Variants in AARS1 observed in about 807,000 individuals in gnomAD.
The protein encoded by AARS1 is alanine--tRNA ligase, cytoplasmic.
Under a neutral mutation model 108.9 loss-of-function variants are expected in AARS1, and 72 were observed. The observed-to-expected ratio is 0.66, with a 90% CI of 0.55 to 0.80. The LOEUF (loss-of-function observed/expected upper bound fraction) is 0.80, where lower values mean the gene tolerates loss of function less well. Among genes scored for constraint, AARS1 ranks in the 30% least tolerant of loss-of-function variants. The pLI is 0.00. For missense variants in AARS1, 1,193 were observed against 1,233.2 expected (o/e 0.97, Z 0.49); for synonymous variants, 489 against 465.7 (o/e 1.05, Z -0.64).
At chr16:70,257,966 C>G in intron 15 of AARS1, 67 bp downstream of exon 15, 1 of 1,580,894 alleles carries the variant, frequency 6.3e-7, no homozygotes, top group Non-Finnish European at 8.7e-7. Context: ...TTGGTCCAGC[C>G]TAAGACCTAC....
At chr16:70,265,293 G>T in intron 10 of AARS1, 191 bp from the exon 11 acceptor site, 1 of 923,366 alleles carries the variant, frequency 1.1e-6, no homozygotes, top group Non-Finnish European at 1.7e-6. Context: ...ATGCTGAGGG[G>T]CACCCTGGCC....
Position 70,254,621 on chromosome 16 carries a change from C to G in AARS1, c.2400G>C (p.Glu800Asp). The change falls in exon 17 of 21, where the codon GAG (glutamate) becomes GAC (aspartate). Residue 800 changes from glutamate (E) to aspartate (D), a missense_variant and splice_region_variant. Coordinates refer to ENST00000261772, the MANE Select transcript of AARS1 (RefSeq NM_001605.3). ...ACGGAGGGAGGGAAGCCGCCCCTAC[C>G]TCTCCAAGGTCAGCGATCTCCCTCT... is the stretch of plus-strand genomic sequence containing the variant. ...DVQREIADLGEALATAVIPQW... is the reference protein window; with the variant it reads ...DVQREIADLGDALATAVIPQW... The G allele has an allele frequency of 6.2e-7, 1 of 1,612,176 alleles. No homozygotes were observed. The highest frequency in any genetic ancestry group is 1.1e-5 in the South Asian group (1 of 91,036).
chr16:70,263,513 G>C (rs897194442), intron 11 of AARS1, among the ~76,000 whole-genome samples: 3 of 151,668 alleles, frequency 2.0e-5, no homozygotes, highest in African/African-American at 4.8e-5. Flanking sequence ...AGAAGTTGCA[G>C]TGAGCCGAGA....
At position 70,252,597 on chromosome 16, in the gene AARS1, G is replaced by T; in HGVS notation, c.*124C>A. ...CTGAGACATAGGACTGCTCCCAAGT[G>T]TGTTCCAGTTACTGCTGGGTTAGGA... On this transcript the variant is annotated 3_prime_UTR_variant, in exon 21 of 21. Transcript: ENST00000261772. The T allele has an allele frequency of 9.2e-7, 1 of 1,082,384 alleles. No individual in the cohort carries two copies. The highest frequency in any genetic ancestry group is 1.4e-6 in the Non-Finnish European group (1 of 721,302). 67.0% of individuals were successfully genotyped at this position (1,082,384 alleles called of 1,614,324 possible). A position where few individuals can be genotyped will look rare whatever the true frequency, so the allele number is the denominator to read the frequency against.
chr16:70,265,700 C>G, intron 9 of AARS1, 38 bp from the exon 10 acceptor site: 1 of 1,610,740 alleles, frequency 6.2e-7, no homozygotes, highest in Non-Finnish European at 8.5e-7. Context: ...AAAAAACAGA[C>G]AGCCCCTTTT....
At chr16:70,253,502 C>A in intron 19 of AARS1, 121 bp from the exon 20 acceptor site, 1 of 1,064,566 alleles carries the variant, frequency 9.4e-7, no homozygotes, top group East Asian at 2.5e-5. Flanking sequence ...AGGGGCTGTG[C>A]CCAGGGCCTG....
At chr16:70,261,597 C>CAAA (rs1182697811) in intron 12 of AARS1, among the ~76,000 whole-genome samples, 4 of 58,382 alleles carry the variant, frequency 6.9e-5, no homozygotes, top group African/African-American at 2.3e-4. Context: ...GACTCCATCT[C>CAAA]AAAAAAAAAA....
chr16:70,260,237 G>C (rs1254439906), intron 13 of AARS1, among the ~76,000 whole-genome samples: 2 of 152,264 alleles, frequency 1.3e-5, no homozygotes, highest in East Asian at 3.9e-4. Flanking sequence ...GCCAACCCCT[G>C]GCCTAGACAA....
chr16:70,276,950 T>C lies in AARS1; in HGVS notation c.333+16A>G. The C allele has an allele frequency of 6.2e-7, 1 of 1,614,076 alleles. No individual in the cohort carries two copies. ...TTTTCCTCAAAACCCTAGTGGTTCT[T>C]CTGCTCTGAACTTACCTTAAAGTAA... On this transcript the variant is annotated intron_variant, in intron 3 of 20. Coordinates refer to ENST00000261772, the MANE Select transcript of AARS1 (RefSeq NM_001605.3).
At position 70,282,692 on chromosome 16, in the gene AARS1, C is replaced by A; in HGVS notation, c.72G>T (p.Thr24=). The A allele has an allele frequency of 1.2e-6, 2 of 1,614,066 alleles. No homozygotes were observed. Among genetic ancestry groups the A allele is most frequent in the Non-Finnish European group, 1.7e-6 (2 of 1,179,980 alleles). The change falls in exon 2 of 21, where the codon ACG becomes ACT. Residue 24 remains threonine (T), a synonymous_variant. Coordinates refer to ENST00000261772, the MANE Select transcript of AARS1 (RefSeq NM_001605.3). ...GGATGGTGGCAGACGAGTGAACATA[C>A]GTATGCTCGTTCCTCTTGAAGAAAT... ...FIDFFKRNEH[T]YVHSSATIPL...
chr16:70,273,057 C>A (rs1960448875), intron 4 of AARS1, among the ~76,000 whole-genome samples: 1 of 151,968 alleles, frequency 6.6e-6, no homozygotes, highest in African/African-American at 2.4e-5. Flanking sequence ...GTGTCACTAC[C>A]CAAAATTCCA....
At chr16:70,260,630 C>A (rs912060322) in intron 13 of AARS1, among the ~76,000 whole-genome samples, 1 of 149,090 alleles carries the variant, frequency 6.7e-6, no homozygotes, top group Admixed American at 6.6e-5. Context: ...TTAACCCCTG[C>A]GGTCTACTTA....
At position 70,271,881 on chromosome 16, in the gene AARS1, G is replaced by T. The variant is rs1479571939; in HGVS notation, c.571C>A (p.His191Asn). The change falls in exon 5 of 21, where the codon CAC becomes AAC. Residue 191 changes from histidine to asparagine, a missense_variant. Coordinates refer to ENST00000261772, the MANE Select transcript of AARS1 (RefSeq NM_001605.3). ...TCCCGACCACCAATCCGGTCGTAGTGGATCTCACTGCAAGGACCACAGGGG... is the reference window on the plus strand; with the variant it reads ...TCCCGACCACCAATCCGGTCGTAGTTGATCTCACTGCAAGGACCACAGGGG... The part of the protein sequence containing the change: ...TGPCGPCSEI[H>N]YDRIGGRDAA... The T allele has an allele frequency of 1.2e-6, 2 of 1,614,132 alleles. No individual in the cohort carries two copies. The highest frequency in any genetic ancestry group is 1.7e-6 in the Non-Finnish European group (2 of 1,180,032).
chr16:70,255,223 G>A lies in AARS1; in HGVS notation c.2287-489C>T, dbSNP rs540913012. ...TTTTTTTTTTTTTTTTTTTGGAGAC[G>A]GAGTCTCGCCCCGTCACCCAAGCTG... On this transcript the variant is annotated intron_variant, in intron 16 of 20. Coordinates refer to ENST00000261772, the MANE Select transcript of AARS1 (RefSeq NM_001605.3). Among the ~76,000 whole-genome samples the A allele has an allele frequency of 1.2e-3, 148 of 119,636 alleles. 1 individual carries two copies. Among genetic ancestry groups the A allele is most frequent in the African/African-American group, 6.3e-3 (141 of 22,552 alleles). 78.5% of individuals were successfully genotyped at this position (119,636 alleles called of 152,430 possible).
Position 70,277,167 on chromosome 16 carries a change from G to T in AARS1, c.145-13C>A. 1 of 1,613,862 alleles carries T rather than the reference G, an allele frequency of 6.2e-7. No individual in the cohort carries two copies. Among genetic ancestry groups the T allele is most frequent in the Non-Finnish European group, 8.5e-7 (1 of 1,179,812 alleles). On this transcript the variant is annotated splice_polypyrimidine_tract_variant and intron_variant, in intron 2 of 20. Transcript: ENST00000261772. Reference sequence around the variant, plus strand: ...AAATGGGTTTAAACTAAAAGAGAAGGACAGCAGTTCAACTTTTAAAGGGTG... The same window carrying T: ...AAATGGGTTTAAACTAAAAGAGAAGTACAGCAGTTCAACTTTTAAAGGGTG...
At chr16:70,282,160 A>G (rs752502250) in intron 2 of AARS1, among the ~76,000 whole-genome samples, 4 of 150,362 alleles carry the variant, frequency 2.7e-5, no homozygotes, top group Admixed American at 6.6e-5. Context: ...TCAAAAAAAA[A>G]TAATGATAAT....
rs57444625 is a variant in AARS1 at position 70,262,967 on chromosome 16, C to CAAAAAAAAAA, written c.1493-453_1493-444dup. On this transcript the variant is annotated intron_variant, in intron 11 of 20. Coordinates refer to ENST00000261772, the MANE Select transcript of AARS1 (RefSeq NM_001605.3). The stretch of plus-strand genomic sequence containing the variant: ...TGGGTGACAAAGCAAGACTCGGTCT[C>CAAAAAAAAAA]AAAAAAAAAAAAAAAAAAAAAAAAA... Among the ~76,000 whole-genome samples, 195 of 20,602 alleles carry CAAAAAAAAAA rather than the reference C, an allele frequency of 9.5e-3. 13 individuals carry two copies. The highest frequency in any genetic ancestry group is 0.01 in the Non-Finnish European group (114 of 10,936). 13.5% of individuals were successfully genotyped at this position (20,602 alleles called of 152,430 possible).
chr16:70,253,180 G>C, intron 20 of AARS1, 88 bp downstream of exon 20: 1 of 1,158,376 alleles, frequency 8.6e-7, no homozygotes. Context: ...GGGCAGAAAG[G>C]CTGTTTCGAA....
chr16:70,289,226 G>A (rs184757578), intron 1 of AARS1, among the ~76,000 whole-genome samples, 195 bp downstream of exon 1: 3 of 150,920 alleles, frequency 2.0e-5, no homozygotes, highest in African/African-American at 7.3e-5. Flanking sequence ...AAATCCACCC[G>A]AGGCCGCGAC....
Sources: gnomAD v4.1 joint callset for allele counts (sites outside exome capture counted in the v4.1 genomes callset) on GRCh38, gnomAD v4.1.1 for gene constraint, MANE v1.5 for transcripts, NCBI Gene and HGNC (gene_info 2026-07-23, HGNC 2026-07-21) for gene names.